COL5A1: variants seen among roughly 807,000 people sequenced by gnomAD.
COL5A1 encodes collagen alpha-1(V) chain.
COL5A1 carries 16 observed loss-of-function variants against 263.7 expected under a neutral mutation model. That is an observed-to-expected ratio of 0.06 (90% CI 0.04 to 0.09). The LOEUF is 0.09. Ranked by LOEUF, COL5A1 falls within the 10% of genes least tolerant of loss-of-function variation. The pLI is 1.00. For synonymous variants in COL5A1, 1,012 were observed against 1,004.5 expected, an observed-to-expected ratio of 1.01 and a Z score of -0.14; for missense variants, 2,036 against 2,540.5, an observed-to-expected ratio of 0.80 and a Z score of 4.27.
Position 134,678,461 on chromosome 9 carries a change from G to A in COL5A1, c.110-12451G>A, listed in dbSNP as rs966006876. ...GCAGTGGCCTGCCGCCCCGGTGTGT[G>A]TCCCTGACTCAGGGGTCCCATCGGC... On this transcript the variant is annotated intron_variant, in intron 1 of 65. Transcript: ENST00000371817. The surrounding 1 kb of genome is among the most constrained non-coding windows in gnomAD (Gnocchi z 5.5). Among the ~76,000 whole-genome samples, 5 of 152,218 alleles carry A rather than the reference G, an allele frequency of 3.3e-5. No individual in the cohort carries two copies. The highest frequency in any genetic ancestry group is 1.2e-4 in the African/African-American group (5 of 41,454).
In COL5A1 at chr9:134,802,540, C is replaced by T. The variant is rs1000119692; in HGVS notation, c.3007-348C>T. Among the ~76,000 whole-genome samples, 5 of 152,260 alleles carry T rather than the reference C, an allele frequency of 3.3e-5. No homozygotes were observed. The East Asian group carries it at 9.6e-4, about 29-fold the overall frequency. On this transcript the variant is annotated intron_variant, in intron 38 of 65. Coordinates refer to ENST00000371817, the MANE Select transcript of COL5A1 (RefSeq NM_000093.5). ...CACAGAACTGAAGGGCATGTGGGCTCTGCCCCTGGTGTGGCTTTTCTCCCA... is the reference window on the plus strand; with the variant it reads ...CACAGAACTGAAGGGCATGTGGGCTTTGCCCCTGGTGTGGCTTTTCTCCCA...
rs938125770 is a variant in COL5A1 at position 134,752,658 on chromosome 9, C to A, written c.1719+13C>A. ...ACCTGGCCCTGTGGTAAGTCATTGG[C>A]AAATCTGAGAGCTGGGCGTGGTGTG... is the stretch of plus-strand genomic sequence containing the variant. On this transcript the variant is annotated intron_variant, in intron 14 of 65. Coordinates refer to ENST00000371817, the MANE Select transcript of COL5A1 (RefSeq NM_000093.5). The A allele has an allele frequency of 8.1e-6, 13 of 1,606,082 alleles. No individual in the cohort carries two copies. The African/African-American group carries it at 1.6e-4, about 20-fold the overall frequency.
At chr9:134,802,485 G>A (rs1027441419) in intron 38 of COL5A1, among the ~76,000 whole-genome samples, 1 of 152,224 alleles carries the variant, frequency 6.6e-6, no homozygotes, top group African/African-American at 2.4e-5. Context: ...ACCTCATGTA[G>A]CGGTGAGTAA....
chr9:134,744,601 A>T (rs368015650), intron 11 of COL5A1, among the ~76,000 whole-genome samples: 4 of 151,548 alleles, frequency 2.6e-5, no homozygotes. Flanking sequence ...ATGCACACTC[A>T]CCCACACCTG....
chr9:134,661,231 G>A (rs1407318050), intron 1 of COL5A1, among the ~76,000 whole-genome samples: 1 of 151,886 alleles, frequency 6.6e-6, no homozygotes, highest in African/African-American at 2.4e-5. Flanking sequence ...CTGCCCATCA[G>A]CCTTCCTTGG....
Position 134,750,635 on chromosome 9 carries a change from C to T in COL5A1, c.1569+19C>T, listed in dbSNP as rs373086315. The T allele has an allele frequency of 1.0e-4, 167 of 1,612,300 alleles. 1 individual carries two copies. In the Middle Eastern group the frequency reaches 1.3e-3, roughly 13 times the overall value. Reference sequence around the variant, plus strand: ...GCTGCCCGTGAGTACCCTTATCAGTCGGAGGTGGGGAGGCAGCTGGGGCAG... The same window carrying T: ...GCTGCCCGTGAGTACCCTTATCAGTTGGAGGTGGGGAGGCAGCTGGGGCAG... On this transcript the variant is annotated intron_variant, in intron 12 of 65. Transcript: ENST00000371817.
chr9:134,673,459 C>CAAA (rs35466442), intron 1 of COL5A1, among the ~76,000 whole-genome samples: 5 of 103,080 alleles, frequency 4.9e-5, no homozygotes, highest in African/African-American at 1.3e-4. Flanking sequence ...GACTCCATCT[C>CAAA]AAAAAAAAAA....
chr9:134,766,551 A>G lies in COL5A1; in HGVS notation c.2133+53A>G, dbSNP rs1417981523. On this transcript the variant is annotated intron_variant, in intron 22 of 65. Coordinates refer to ENST00000371817, the MANE Select transcript of COL5A1 (RefSeq NM_000093.5). ...CTTCAGGGGCACTTTCCCTGGGCAC[A>G]CTCCTTGCCTGGCTAGGGAGGTCCA... is the stretch of plus-strand genomic sequence containing the variant. 1.9e-6 allele frequency: 3 copies of G among 1,568,150 alleles called. No individual in the cohort carries two copies. The Admixed American group carries it at 5.1e-5, about 27-fold the overall frequency.
At position 134,680,757 on chromosome 9, in the gene COL5A1, A is replaced by G. The variant is rs574473559; in HGVS notation, c.110-10155A>G. Among the ~76,000 whole-genome samples, 192 of 152,300 alleles carry G rather than the reference A, an allele frequency of 1.3e-3. No individual in the cohort carries two copies. Among genetic ancestry groups the G allele is most frequent in the Middle Eastern group, 3.4e-3 (1 of 294 alleles). ...CCTGTGACAGCCAGGGCCTCCCGGG[A>G]AAATTCCACAGGGGCAGAAGGACGG... On this transcript the variant is annotated intron_variant, in intron 1 of 65. Coordinates refer to ENST00000371817, the MANE Select transcript of COL5A1 (RefSeq NM_000093.5). The surrounding 1 kb of genome is among the most constrained non-coding windows in gnomAD (Gnocchi z 5.9).
At chr9:134,656,384 T>C (rs1170944297) in intron 1 of COL5A1, among the ~76,000 whole-genome samples, 2 of 152,188 alleles carry the variant, frequency 1.3e-5, no homozygotes, top group Non-Finnish European at 2.9e-5. Context: ...GAAGCAGTGA[T>C]TCTCAGGGAC....
At chr9:134,801,197 T>C (rs1343968901) in intron 37 of COL5A1, among the ~76,000 whole-genome samples, 1 of 152,192 alleles carries the variant, frequency 6.6e-6, no homozygotes, top group Non-Finnish European at 1.5e-5. Context: ...AAATAACGCA[T>C]CCAAGCTGCC....
At chr9:134,721,366 C>G (rs1365259646) in intron 4 of COL5A1, among the ~76,000 whole-genome samples, 1 of 151,960 alleles carries the variant, frequency 6.6e-6, no homozygotes, top group Non-Finnish European at 1.5e-5. Context: ...TGCCCAGGAC[C>G]CCCCATGACC....
intron 38 of COL5A1, among the ~76,000 whole-genome samples, chr9:134,802,411 G>A (rs1305688841): frequency 2.6e-5 from 4 of 152,220 alleles, no homozygotes; most frequent in Non-Finnish European, 4.4e-5. Flanking sequence ...GCAGCTTAGA[G>A]CCAGGATTGA....
chr9:134,822,480 C>T (rs1397199676), intron 59 of COL5A1, among the ~76,000 whole-genome samples: 4 of 152,184 alleles, frequency 2.6e-5, no homozygotes, highest in African/African-American at 9.7e-5. Context: ...TTCCCAGGAG[C>T]CCGGCCAGCC....
At chr9:134,712,847 G>A (rs1450101647) in intron 4 of COL5A1, among the ~76,000 whole-genome samples, 1 of 151,848 alleles carries the variant, frequency 6.6e-6, no homozygotes, top group Non-Finnish European at 1.5e-5. Context: ...TGACCACGGG[G>A]ACCAGGTCTC....
At chr9:134,733,776 G>A (rs887786697) in intron 9 of COL5A1, among the ~76,000 whole-genome samples, 2 of 152,218 alleles carry the variant, frequency 1.3e-5, no homozygotes, top group Non-Finnish European at 2.9e-5. Flanking sequence ...CAACAGCAGA[G>A]GCTACATCCA....
At chr9:134,810,751 C>T (rs1441588520) in intron 44 of COL5A1, among the ~76,000 whole-genome samples, 1 of 152,226 alleles carries the variant, frequency 6.6e-6, no homozygotes, top group East Asian at 1.9e-4. Flanking sequence ...TACCAGCTCC[C>T]TCCCGATGAG....
rs370641146 is a variant in COL5A1 at position 134,805,743 on chromosome 9, G to A, written c.3259-446G>A. 6.6e-5 allele frequency among the ~76,000 whole-genome samples: 10 copies of A among 152,232 alleles called. No homozygotes were observed. The South Asian group carries it at 8.3e-4, about 13-fold the overall frequency. ...GAGGAGCACAGCAGAGAGGGGAGTG[G>A]GTGCCCCATGGGCATGGGGGCCCTG... On this transcript the variant is annotated intron_variant, in intron 41 of 65. Coordinates refer to ENST00000371817, the MANE Select transcript of COL5A1 (RefSeq NM_000093.5).
intron 1 of COL5A1, among the ~76,000 whole-genome samples, chr9:134,673,370 T>C (rs369013139): frequency 6.6e-6 from 1 of 152,096 alleles, no homozygotes; most frequent in East Asian, 1.9e-4. Flanking sequence ...AAATAATCTT[T>C]TGGTTTTCCA....
Sources: gnomAD v4.1 joint callset for allele counts (sites outside exome capture counted in the v4.1 genomes callset) on GRCh38, gnomAD v4.1.1 for gene constraint, Gnocchi (gnomAD v3.1) non-coding constraint, MANE v1.5 for transcripts, NCBI Gene and HGNC (gene_info 2026-07-23, HGNC 2026-07-21) for gene names.